Variants in ABTB3 observed in about 807,000 individuals in gnomAD.
ABTB3 encodes ankyrin repeat- and BTB/POZ domain-containing protein 3.
chr12:107,515,218 C>T, the ABTB3 span, among the ~76,000 whole-genome samples: 1 of 151,998 alleles, frequency 6.6e-6, no homozygotes, highest in East Asian at 1.9e-4. Flanking sequence ...CCTCCAAGTC[C>T]CAGTTGCTCA....
the ABTB3 span, among the ~76,000 whole-genome samples, chr12:107,545,146 G>A: frequency 6.6e-6 from 1 of 152,166 alleles, no homozygotes; most frequent in Non-Finnish European, 1.5e-5. Context: ...GGGCTGAATT[G>A]GGCTGTCTTA....
chr12:107,462,556 T>C, the ABTB3 span, among the ~76,000 whole-genome samples: 3 of 151,328 alleles, frequency 2.0e-5, no homozygotes, highest in African/African-American at 7.3e-5. Flanking sequence ...GATGGTGATG[T>C]AGTGATAGTG....
the ABTB3 span, among the ~76,000 whole-genome samples, chr12:107,643,144 C>T: frequency 6.6e-6 from 1 of 151,956 alleles, no homozygotes; most frequent in Non-Finnish European, 1.5e-5. Flanking sequence ...GCCTGTAATC[C>T]CAGCACTTTG....
the ABTB3 span, among the ~76,000 whole-genome samples, chr12:107,554,252 A>AT: frequency 1.3e-5 from 2 of 152,150 alleles, no homozygotes; most frequent in Non-Finnish European, 2.9e-5. Context: ...GTCATAGCAC[A>AT]TTTTTTATTT....
the ABTB3 span, among the ~76,000 whole-genome samples, chr12:107,336,210 C>T: frequency 6.6e-6 from 1 of 152,250 alleles, no homozygotes; most frequent in South Asian, 2.1e-4. Context: ...GCACATCCAC[C>T]TGATGGCTCT....
the ABTB3 span, among the ~76,000 whole-genome samples, chr12:107,389,398 C>G: frequency 1.3e-5 from 2 of 152,070 alleles, no homozygotes; most frequent in African/African-American, 4.8e-5. Flanking sequence ...AGGTATAAGC[C>G]GCAATACTCC....
chr12:107,469,920 T>TTCTTTCTTTCTC, the ABTB3 span, among the ~76,000 whole-genome samples: 26 of 102,032 alleles, frequency 2.5e-4, no homozygotes, highest in East Asian at 3.1e-4. Context: ...CTTTCTTTCT[T>TTCTTTCTTTCTC]TCTCTCTCTC....
chr12:107,488,668 A>C, the ABTB3 span, among the ~76,000 whole-genome samples: 16 of 149,710 alleles, frequency 1.1e-4, 1 homozygote, highest in East Asian at 2.7e-3. Context: ...ATATGTATAT[A>C]TATATAAAAT....
the ABTB3 span, among the ~76,000 whole-genome samples, chr12:107,531,764 C>T: frequency 9.2e-5 from 14 of 152,220 alleles, no homozygotes; most frequent in East Asian, 7.7e-4. Flanking sequence ...CAAGCTGCTG[C>T]GGCATAGCAC....
the ABTB3 span, among the ~76,000 whole-genome samples, chr12:107,574,806 A>G: frequency 6.6e-6 from 1 of 152,232 alleles, no homozygotes; most frequent in Non-Finnish European, 1.5e-5. Flanking sequence ...ACAAGATCCC[A>G]GGTGATTCAA....
At chr12:107,399,315 T>C in the ABTB3 span, among the ~76,000 whole-genome samples, 1 of 152,170 alleles carries the variant, frequency 6.6e-6, no homozygotes, top group Non-Finnish European at 1.5e-5. Flanking sequence ...GCTAGGATCG[T>C]GAACAAAGGA....
chr12:107,523,436 T>C, the ABTB3 span, among the ~76,000 whole-genome samples: 5 of 152,266 alleles, frequency 3.3e-5, no homozygotes, highest in South Asian at 1.0e-3. Context: ...TGGTGAAACC[T>C]GTGGACCCTG....
chr12:107,618,431 CCA>C, the ABTB3 span: 3 of 1,487,622 alleles, frequency 2.0e-6, no homozygotes, highest in Admixed American at 1.9e-5. Flanking sequence ...AGCTTTAGGT[CCA>C]CACACACATG....
At chr12:107,626,115 A>G in the ABTB3 span, among the ~76,000 whole-genome samples, 1 of 152,150 alleles carries the variant, frequency 6.6e-6, no homozygotes, top group Non-Finnish European at 1.5e-5. Flanking sequence ...AAGGAAGTCC[A>G]GTGAACCCAC....
the ABTB3 span, among the ~76,000 whole-genome samples, chr12:107,546,330 C>T: frequency 5.9e-5 from 9 of 152,274 alleles, no homozygotes; most frequent in African/African-American, 2.2e-4. Context: ...GCCATCATCT[C>T]TCCCCCAAAA....
At chr12:107,542,267 G>T in the ABTB3 span, among the ~76,000 whole-genome samples, 2 of 140,598 alleles carry the variant, frequency 1.4e-5, no homozygotes, top group East Asian at 4.3e-4. Context: ...AGCCGAGATC[G>T]CACCACTGCA....
the ABTB3 span, among the ~76,000 whole-genome samples, chr12:107,492,210 G>A: frequency 6.6e-6 from 1 of 152,142 alleles, no homozygotes; most frequent in African/African-American, 2.4e-5. Flanking sequence ...TCTGAGAGTG[G>A]AAGGAATTCC....
chr12:107,502,074 T>A, the ABTB3 span, among the ~76,000 whole-genome samples: 6 of 151,706 alleles, frequency 4.0e-5, no homozygotes, highest in Admixed American at 1.3e-4. Flanking sequence ...GTACTTTTTT[T>A]TTTTTTTTGA....
chr12:107,412,581 A>G, the ABTB3 span, among the ~76,000 whole-genome samples: 3 of 152,096 alleles, frequency 2.0e-5, no homozygotes, highest in Non-Finnish European at 4.4e-5. Flanking sequence ...CCAAGAGATA[A>G]GGGCTGTGCC....
Sources: gnomAD v4.1 joint callset for allele counts (sites outside exome capture counted in the v4.1 genomes callset) on GRCh38, gnomAD v4.1.1 for gene constraint, MANE v1.5 for transcripts, NCBI Gene and HGNC (gene_info 2026-07-23, HGNC 2026-07-21) for gene names.